Variants in TRIO observed in about 807,000 individuals in gnomAD.
TRIO encodes trio Rho guanine nucleotide exchange factor.
TRIO carries 58 observed loss-of-function variants against 351.9 expected under a neutral mutation model. The observed-to-expected ratio is 0.16, with a 90% CI of 0.13 to 0.21. TRIO has a LOEUF of 0.21. Among genes scored for constraint, TRIO ranks in the 10% least tolerant of loss-of-function variants. The pLI is 1.00. For synonymous variants in TRIO, 1,758 were observed against 1,595.7 expected (o/e 1.10, Z -2.42); for missense variants, 3,201 against 4,027.8 (o/e 0.79, Z 5.56).
chr5:14,179,829 GGT>G (rs1261912225), intron 1 of TRIO, among the ~76,000 whole-genome samples: 1 of 152,068 alleles, frequency 6.6e-6, no homozygotes, highest in Non-Finnish European at 1.5e-5. Flanking sequence ...TGGTGGCTCA[GGT>G]GTGTAATCCC....
At chr5:14,460,587 T>G (rs371890016) in intron 34 of TRIO, among the ~76,000 whole-genome samples, 1 of 152,370 alleles carries the variant, frequency 6.6e-6, no homozygotes, top group African/African-American at 2.4e-5. Context: ...TTGGCATAGC[T>G]AAAACTTCTC....
chr5:14,232,744 A>C (rs1189569434), intron 1 of TRIO, among the ~76,000 whole-genome samples: 1 of 152,252 alleles, frequency 6.6e-6, no homozygotes, highest in East Asian at 1.9e-4. Flanking sequence ...AAAAGAATTG[A>C]GTATATCTTT....
chr5:14,298,382 T>A (rs1377022880), intron 7 of TRIO, among the ~76,000 whole-genome samples: 2 of 152,324 alleles, frequency 1.3e-5, no homozygotes, highest in African/African-American at 4.8e-5. Context: ...ATAGGAACTT[T>A]TAACCACCAG....
Position 14,424,527 on chromosome 5 carries a change from G to A in TRIO, c.5203+4506G>A, listed in dbSNP as rs544636184. On this transcript the variant is annotated intron_variant, in intron 34 of 56. Transcript: ENST00000344204. ...ACATGAGAAATAAAACCTTTTGCTT[G>A]TGGGTGACTTGAGCCTCTAAACCCA... is the stretch of plus-strand genomic sequence containing the variant. Among the ~76,000 whole-genome samples the A allele has an allele frequency of 5.3e-5, 8 of 152,258 alleles. No individual in the cohort carries two copies. The South Asian group carries it at 1.5e-3, about 28-fold the overall frequency.
intron 18 of TRIO, among the ~76,000 whole-genome samples, chr5:14,372,871 A>C (rs901285082): frequency 6.6e-6 from 1 of 152,182 alleles, no homozygotes; most frequent in Non-Finnish European, 1.5e-5. Context: ...ACAGCGTATT[A>C]GTCCATTCTC....
chr5:14,258,788 CA>C (rs1366051527), intron 1 of TRIO, among the ~76,000 whole-genome samples: 4 of 152,184 alleles, frequency 2.6e-5, no homozygotes, highest in Non-Finnish European at 5.9e-5. Flanking sequence ...AGCAGTGGCC[CA>C]GGGGGATAAT....
chr5:14,355,900 G>A (rs1743571453), intron 11 of TRIO, among the ~76,000 whole-genome samples: 1 of 152,082 alleles, frequency 6.6e-6, no homozygotes, highest in South Asian at 2.1e-4. Context: ...TTCATCACCT[G>A]GGGCTTCTCT....
At chr5:14,328,697 G>T (rs1740633474) in intron 9 of TRIO, among the ~76,000 whole-genome samples, 1 of 152,224 alleles carries the variant, frequency 6.6e-6, no homozygotes, top group African/African-American at 2.4e-5. Flanking sequence ...TGACATAGAG[G>T]TCATCGAATG....
chr5:14,404,057 A>T (rs1748490068), intron 31 of TRIO, among the ~76,000 whole-genome samples: 1 of 97,124 alleles, frequency 1.0e-5, no homozygotes, highest in African/African-American at 7.6e-5. Context: ...GGTTGTGGTG[A>T]GGGTGCAGCT....
Position 14,286,850 on chromosome 5 carries a change from C to T in TRIO, c.348-21C>T, listed in dbSNP as rs779957359. On this transcript the variant is annotated intron_variant, in intron 3 of 56. Transcript: ENST00000344204. This position sits in a 1 kb window ranked among gnomAD's most constrained non-coding sequence, Gnocchi z 4.4. Reference sequence around the variant, plus strand: ...GGCAAGAGATGTAACCCGTCTTCAGCCATGTTTTCTTTCTCTGCAGCGAGG... The same window carrying T: ...GGCAAGAGATGTAACCCGTCTTCAGTCATGTTTTCTTTCTCTGCAGCGAGG... The T allele has an allele frequency of 5.0e-6, 8 of 1,605,782 alleles. No individual in the cohort carries two copies. In the Admixed American group the frequency reaches 5.0e-5, roughly 10 times the overall value.
chr5:14,488,903 C>T (rs759808480), intron 48 of TRIO: 9 of 754,216 alleles, frequency 1.2e-5, no homozygotes, highest in East Asian at 2.5e-5. Context: ...CCGGTCCCTG[C>T]GGCCTGCTGG....
chr5:14,477,033 A>G, intron 41 of TRIO, 70 bp downstream of exon 41: 1 of 1,382,314 alleles, frequency 7.2e-7, no homozygotes, highest in Non-Finnish European at 1.0e-6. Flanking sequence ...TGTCAGATTA[A>G]AGGAGAACTC....
chr5:14,365,940 C>A (rs2152342093), intron 15 of TRIO, among the ~76,000 whole-genome samples: 1 of 152,272 alleles, frequency 6.6e-6, no homozygotes. Flanking sequence ...GAAATATTTT[C>A]ACAAACTTCC....
At chr5:14,277,241 A>G (rs528672962) in intron 2 of TRIO, among the ~76,000 whole-genome samples, 1 of 152,346 alleles carries the variant, frequency 6.6e-6, no homozygotes, top group African/African-American at 2.4e-5. Context: ...GAAGGTAAGA[A>G]GTGCCTTAGA....
intron 6 of TRIO, among the ~76,000 whole-genome samples, chr5:14,293,800 A>T (rs1284044240): frequency 6.6e-6 from 1 of 152,198 alleles, no homozygotes; most frequent in African/African-American, 2.4e-5. Context: ...TTTTATAGTT[A>T]ATGTTACTAA....
At chr5:14,170,963 G>C (rs909531299) in intron 1 of TRIO, among the ~76,000 whole-genome samples, 1 of 152,048 alleles carries the variant, frequency 6.6e-6, no homozygotes, top group Non-Finnish European at 1.5e-5. Flanking sequence ...AATGAAGATG[G>C]AATATTAACA....
At chr5:14,371,815 A>AT (rs1291974187) in intron 18 of TRIO, among the ~76,000 whole-genome samples, 4 of 151,320 alleles carry the variant, frequency 2.6e-5, no homozygotes, top group East Asian at 3.9e-4. Flanking sequence ...TAATTTTTGT[A>AT]TTTTTTTGTA....
intron 34 of TRIO, among the ~76,000 whole-genome samples, chr5:14,437,066 T>C (rs538337811): frequency 2.6e-4 from 39 of 152,348 alleles, no homozygotes; most frequent in African/African-American, 8.9e-4. Flanking sequence ...ATTCTAACCT[T>C]CTTCCTTTCC....
intron 49 of TRIO, among the ~76,000 whole-genome samples, chr5:14,493,940 C>T (rs1351331190): frequency 6.6e-6 from 1 of 152,196 alleles, no homozygotes; most frequent in Admixed American, 6.5e-5. Context: ...AAGCCCAACC[C>T]AGAACAAGGC....
Sources: gnomAD v4.1 joint callset for allele counts (sites outside exome capture counted in the v4.1 genomes callset) on GRCh38, gnomAD v4.1.1 for gene constraint, Gnocchi (gnomAD v3.1) non-coding constraint, MANE v1.5 for transcripts, NCBI Gene and HGNC (gene_info 2026-07-23, HGNC 2026-07-21) for gene names.